Variants in CSMD3 observed in about 807,000 individuals in gnomAD.
The protein encoded by CSMD3 is CUB and sushi domain-containing protein 3.
CSMD3 carries 177 observed loss-of-function variants against 435.2 expected under a neutral mutation model. The observed-to-expected ratio is 0.41, with a 90% CI of 0.36 to 0.46. The LOEUF (loss-of-function observed/expected upper bound fraction) is 0.46, where lower values mean the gene tolerates loss of function less well. Ranked by LOEUF, CSMD3 falls within the 20% of genes least tolerant of loss-of-function variation. CSMD3 has a pLI of 0.34. For synonymous variants in CSMD3, 1,656 were observed against 1,520.5 expected (o/e 1.09, Z -2.07); for missense variants, 4,265 against 4,504.6 (o/e 0.95, Z 1.52).
At chr8:112,323,515 T>C (rs148178472) in intron 45 of CSMD3, among the ~76,000 whole-genome samples, 266 of 152,162 alleles carry the variant, frequency 1.7e-3, no homozygotes, top group African/African-American at 6.0e-3. Flanking sequence ...TAATTCAATA[T>C]GACTAGTGTC....
chr8:113,122,936 T>C (rs1238879239), intron 4 of CSMD3, among the ~76,000 whole-genome samples: 1 of 145,176 alleles, frequency 6.9e-6, no homozygotes, highest in African/African-American at 2.5e-5. Flanking sequence ...AGCTAGGAAA[T>C]AAGGCAAAAA....
intron 9 of CSMD3, among the ~76,000 whole-genome samples, chr8:112,941,056 G>A (rs1300798185): frequency 1.3e-5 from 2 of 151,628 alleles, no homozygotes; most frequent in East Asian, 3.9e-4. Context: ...TATAATGAAG[G>A]AAAACATGAG....
At chr8:113,422,715 A>C (rs2129964080) in intron 1 of CSMD3, among the ~76,000 whole-genome samples, 1 of 152,246 alleles carries the variant, frequency 6.6e-6, no homozygotes, top group Admixed American at 6.5e-5. Context: ...CCACTGGAAA[A>C]GTGACAGTGT....
At chr8:113,137,236 A>G (rs1311633330) in intron 4 of CSMD3, among the ~76,000 whole-genome samples, 4 of 151,680 alleles carry the variant, frequency 2.6e-5, no homozygotes, top group African/African-American at 9.7e-5. Flanking sequence ...ACTAAGTTTA[A>G]GAGTTTAAAA....
At chr8:113,247,640 A>C (rs979383585) in intron 3 of CSMD3, among the ~76,000 whole-genome samples, 29 of 152,116 alleles carry the variant, frequency 1.9e-4, no homozygotes, top group Admixed American at 3.9e-4. Context: ...GATTTCTGTA[A>C]GTACCATTTA....
intron 61 of CSMD3, 176 bp from the exon 62 acceptor site, chr8:112,255,603 T>C (rs931410069): frequency 3.3e-6 from 2 of 611,870 alleles, no homozygotes; most frequent in African/African-American, 3.7e-5. Flanking sequence ...AATACTGAAT[T>C]GAAAACTCAG....
intron 3 of CSMD3, among the ~76,000 whole-genome samples, chr8:113,182,758 G>C (rs943276506): frequency 4.6e-5 from 7 of 151,978 alleles, no homozygotes; most frequent in African/African-American, 1.7e-4. Flanking sequence ...AGGAGAAGCT[G>C]GGTTGCTGCA....
At chr8:112,486,844 T>C (rs1279059202) in intron 31 of CSMD3, among the ~76,000 whole-genome samples, 3 of 152,096 alleles carry the variant, frequency 2.0e-5, no homozygotes, top group Non-Finnish European at 2.9e-5. Flanking sequence ...ATAAACTCTC[T>C]AAGGGCAAGG....
chr8:112,980,276 C>A (rs1253825258), intron 6 of CSMD3, among the ~76,000 whole-genome samples: 1 of 150,418 alleles, frequency 6.6e-6, no homozygotes, highest in African/African-American at 2.4e-5. Context: ...CATGGATGAC[C>A]CAAAATATAT....
chr8:112,710,300 A>G (rs2076584608), intron 13 of CSMD3, among the ~76,000 whole-genome samples: 1 of 152,170 alleles, frequency 6.6e-6, no homozygotes, highest in Non-Finnish European at 1.5e-5. Flanking sequence ...TCTTGTGAGA[A>G]CATGTGTCTA....
At chr8:112,406,456 T>G in intron 35 of CSMD3, 68 bp downstream of exon 35, 1 of 984,608 alleles carries the variant, frequency 1.0e-6, no homozygotes, top group East Asian at 2.7e-5. Context: ...ATTTAAAAAA[T>G]TGAAAGATGT....
chr8:113,153,101 A>AAAAAAAGAAAGAAAGAAAGAAAGAAAG (rs1554791160), intron 4 of CSMD3, among the ~76,000 whole-genome samples: 1 of 99,994 alleles, frequency 1.0e-5, no homozygotes, highest in African/African-American at 4.7e-5. Flanking sequence ...AGAAAGAAAG[A>AAAAAAAGAAAGAAAGAAAGAAAGAAAG]AAAGAAAGAA....
intron 18 of CSMD3, among the ~76,000 whole-genome samples, chr8:112,653,499 C>A (rs1040883962): frequency 4.0e-5 from 6 of 151,848 alleles, no homozygotes; most frequent in Non-Finnish European, 8.8e-5. Flanking sequence ...ATTTAGATAT[C>A]CAAGACTTAA....
chr8:112,370,919 A>C (rs540981638), intron 38 of CSMD3, among the ~76,000 whole-genome samples: 1 of 152,336 alleles, frequency 6.6e-6, no homozygotes, highest in African/African-American at 2.4e-5. Context: ...TGAATGAATG[A>C]AGATATAGGC....
At chr8:112,662,327 A>G (rs564196024) in intron 17 of CSMD3, among the ~76,000 whole-genome samples, 1 of 152,322 alleles carries the variant, frequency 6.6e-6, no homozygotes, top group Admixed American at 6.5e-5. Context: ...AAACAAAGAT[A>G]TAGACCAACG....
chr8:113,302,884 C>T (rs1293491309), intron 2 of CSMD3, among the ~76,000 whole-genome samples: 2 of 144,554 alleles, frequency 1.4e-5, no homozygotes, highest in Non-Finnish European at 3.0e-5. Context: ...CGCTCCTATT[C>T]AACATAGTGT....
chr8:112,672,361 C>T (rs1243083520), intron 16 of CSMD3, among the ~76,000 whole-genome samples: 3 of 152,026 alleles, frequency 2.0e-5, no homozygotes, highest in Admixed American at 2.0e-4. Flanking sequence ...TCATGGGGGC[C>T]TCTGGTTACC....
chr8:112,561,746 A>G (rs1475304719), intron 24 of CSMD3, among the ~76,000 whole-genome samples: 1 of 151,734 alleles, frequency 6.6e-6, no homozygotes, highest in African/African-American at 2.4e-5. Flanking sequence ...ACATATCTAT[A>G]CATCAATGAG....
chr8:113,027,437 G>T (rs2131217208), intron 5 of CSMD3, among the ~76,000 whole-genome samples: 1 of 152,264 alleles, frequency 6.6e-6, no homozygotes, highest in East Asian at 1.9e-4. Flanking sequence ...GACGTTAAAT[G>T]CATTAATTTT....
Sources: allele counts gnomAD v4.1 joint callset (sites outside exome capture counted in the v4.1 genomes callset), GRCh38; gene constraint gnomAD v4.1.1; transcripts MANE v1.5; gene names NCBI Gene and HGNC (gene_info 2026-07-23, HGNC 2026-07-21).